STON1: variants seen among roughly 807,000 people sequenced by gnomAD.
STON1 encodes stonin-1.
Under a neutral mutation model 60.9 loss-of-function variants are expected in STON1, and 79 were observed. The observed-to-expected ratio is 1.30, with a 90% CI of 1.08 to 1.56. STON1 has a LOEUF of 1.56. Among genes scored for constraint, STON1 ranks in the 40% most tolerant of loss-of-function variants. STON1 has a pLI of 0.00. For missense variants in STON1, 1,166 were observed against 858.9 expected (o/e 1.36, Z -4.47); for synonymous variants, 363 against 306.9 (o/e 1.18, Z -1.91).
At chr2:48,560,387 G>T (rs1162331205) in intron 1 of STON1, among the ~76,000 whole-genome samples, 1 of 152,190 alleles carries the variant, frequency 6.6e-6, no homozygotes, top group Non-Finnish European at 1.5e-5. Context: ...CTGCACCCCA[G>T]CCCAAACCTG....
rs1324538836 is a variant in STON1 at position 48,596,404 on chromosome 2, G to A, written c.*1102G>A. ...TTCTAATGAAAAGTCAATAGCATTAGCAGTTATAATTCTGTTTATAATTTC... is the reference window on the plus strand; with the variant it reads ...TTCTAATGAAAAGTCAATAGCATTAACAGTTATAATTCTGTTTATAATTTC... On this transcript the variant is annotated 3_prime_UTR_variant, in exon 4 of 4. Transcript: ENST00000404752. 1.3e-5 allele frequency: 2 copies of A among 152,174 alleles called. No homozygotes were observed. The highest frequency in any genetic ancestry group is 2.9e-5 in the Non-Finnish European group (2 of 68,024). The allele number at this position is 152,174 out of a possible 1,614,324, so 9.4% of individuals were successfully genotyped here. A position where few individuals can be genotyped will look rare whatever the true frequency, so the allele number is the denominator to read the frequency against.
rs1249260479 is a variant in STON1, at chr2:48,597,162, C to T, written c.*1860C>T. Reference sequence around the variant, plus strand: ...GCCACCATGCCCGGCCGCTATTGCTCTTTTTAACTTCATTTGATGCCTTGC... The same window carrying T: ...GCCACCATGCCCGGCCGCTATTGCTTTTTTTAACTTCATTTGATGCCTTGC... On this transcript the variant is annotated 3_prime_UTR_variant, in exon 4 of 4. Transcript: ENST00000404752. 4 of 152,204 alleles carry T rather than the reference C, an allele frequency of 2.6e-5. No individual in the cohort carries two copies. The highest frequency in any genetic ancestry group is 9.7e-5 in the African/African-American group (4 of 41,446). 9.4% of individuals were successfully genotyped at this position (152,204 alleles called of 1,614,324 possible).
At chr2:48,550,384 C>T (rs1672048100) in intron 1 of STON1, among the ~76,000 whole-genome samples, 3 of 151,032 alleles carry the variant, frequency 2.0e-5, no homozygotes, top group African/African-American at 7.3e-5. Flanking sequence ...GTAATCCCAG[C>T]TACTTGGGAG....
intron 1 of STON1, among the ~76,000 whole-genome samples, chr2:48,545,062 A>C (rs1671814564): frequency 6.6e-6 from 1 of 152,112 alleles, no homozygotes; most frequent in Non-Finnish European, 1.5e-5. Context: ...AGGGTGCCTA[A>C]TTGAGGTCAT....
chr2:48,584,042 C>T (rs1379308642), intron 2 of STON1, among the ~76,000 whole-genome samples: 2 of 152,258 alleles, frequency 1.3e-5, no homozygotes, highest in African/African-American at 2.4e-5. Context: ...AGCCACTGTG[C>T]CCGGCCCATC....
At chr2:48,594,947 CAT>C (rs1340611427) in intron 3 of STON1, among the ~76,000 whole-genome samples, 1 of 152,042 alleles carries the variant, frequency 6.6e-6, no homozygotes, top group Non-Finnish European at 1.5e-5. Context: ...TTTCAGTATA[CAT>C]ATTCTGTATA....
At chr2:48,540,290 C>G (rs1671602662) in intron 1 of STON1, among the ~76,000 whole-genome samples, 1 of 152,130 alleles carries the variant, frequency 6.6e-6, no homozygotes, top group African/African-American at 2.4e-5. Flanking sequence ...GCCCTTGTTA[C>G]AGTTTTTGTT....
At chr2:48,561,498 G>C (rs139872466) in intron 1 of STON1, among the ~76,000 whole-genome samples, 212 of 152,302 alleles carry the variant, frequency 1.4e-3, no homozygotes, top group African/African-American at 4.9e-3. Flanking sequence ...AGAAGCCTCT[G>C]ATTCATTATC....
intron 1 of STON1, among the ~76,000 whole-genome samples, chr2:48,571,688 G>A (rs985079258): frequency 6.6e-6 from 1 of 152,184 alleles, no homozygotes; most frequent in Non-Finnish European, 1.5e-5. Context: ...TGGACAGGGT[G>A]TGGCCCCCTT....
At chr2:48,545,815 C>T (rs2103770976) in intron 1 of STON1, among the ~76,000 whole-genome samples, 1 of 152,314 alleles carries the variant, frequency 6.6e-6, no homozygotes, top group Middle Eastern at 3.4e-3. Context: ...AGGCATTCAG[C>T]CCCCACTTAA....
At chr2:48,589,927 G>C (rs1307331044) in intron 2 of STON1, among the ~76,000 whole-genome samples, 1 of 152,176 alleles carries the variant, frequency 6.6e-6, no homozygotes, top group East Asian at 1.9e-4. Flanking sequence ...GTATGCATAT[G>C]AACTGGTTAA....
At chr2:48,549,584 G>A (rs1672004777) in intron 1 of STON1, among the ~76,000 whole-genome samples, 1 of 151,958 alleles carries the variant, frequency 6.6e-6, no homozygotes, top group Admixed American at 6.6e-5. Flanking sequence ...GGCCAAGAAG[G>A]GTGGATCACC....
intron 1 of STON1, among the ~76,000 whole-genome samples, chr2:48,561,512 G>A (rs777769254): frequency 6.6e-6 from 1 of 152,130 alleles, no homozygotes; most frequent in Non-Finnish European, 1.5e-5. Flanking sequence ...CATTATCTAC[G>A]AAGCAGACAC....
chr2:48,585,162 A>G (rs917473927), intron 2 of STON1, among the ~76,000 whole-genome samples: 1 of 152,214 alleles, frequency 6.6e-6, no homozygotes, highest in Admixed American at 6.5e-5. Context: ...GGTCTCAAAC[A>G]GCACATTCTG....
chr2:48,552,265 T>C (rs1347859222), intron 1 of STON1, among the ~76,000 whole-genome samples: 3 of 152,226 alleles, frequency 2.0e-5, no homozygotes, highest in South Asian at 2.1e-4. Context: ...ACATACTGTA[T>C]GATTCCATTT....
At chr2:48,593,241 G>A (rs1375674080) in intron 3 of STON1, among the ~76,000 whole-genome samples, 4 of 151,910 alleles carry the variant, frequency 2.6e-5, no homozygotes, top group African/African-American at 4.8e-5. Flanking sequence ...TCAGCCTCCC[G>A]AGTAGCTGGG....
intron 1 of STON1, chr2:48,569,127 C>G (rs1404740430): frequency 6.6e-6 from 1 of 152,128 alleles, no homozygotes; most frequent in African/African-American, 2.4e-5. Context: ...TCCTTTTCTA[C>G]CAAATAATGA....
intron 1 of STON1, among the ~76,000 whole-genome samples, chr2:48,546,908 A>AAC (rs1379041857): frequency 2.0e-5 from 3 of 152,200 alleles, no homozygotes; most frequent in Admixed American, 2.0e-4. Flanking sequence ...ACATTGCATG[A>AAC]ACACACACCA....
chr2:48,540,034 C>T (rs966763451), intron 1 of STON1, among the ~76,000 whole-genome samples: 4 of 152,150 alleles, frequency 2.6e-5, no homozygotes, highest in African/African-American at 9.7e-5. Context: ...CCCCAGCTCG[C>T]AGGTATTTAG....
Sources: allele counts gnomAD v4.1 joint callset (sites outside exome capture counted in the v4.1 genomes callset), GRCh38; gene constraint gnomAD v4.1.1; transcripts MANE v1.5; gene names NCBI Gene and HGNC (gene_info 2026-07-23, HGNC 2026-07-21).